KIF13A: variants seen among roughly 807,000 people sequenced by gnomAD.
KIF13A encodes the protein kinesin-like protein KIF13A.
KIF13A carries 79 observed loss-of-function variants against 212.2 expected under a neutral mutation model. The ratio of observed to expected loss-of-function variants is 0.37; its 90% CI spans 0.31 to 0.45. KIF13A has a LOEUF of 0.45. Ranked by LOEUF, KIF13A falls within the 20% of genes least tolerant of loss-of-function variation. The pLI is 1.00. For missense variants in KIF13A, 1,901 were observed against 2,209.0 expected (o/e 0.86, Z 2.79); for synonymous variants, 789 against 808.6 (o/e 0.98, Z 0.41).
chr6:17,807,718 C>A (rs185758836), intron 18 of KIF13A, among the ~76,000 whole-genome samples: 77 of 144,870 alleles, frequency 5.3e-4, no homozygotes, highest in African/African-American at 1.9e-3. Context: ...ACACCTCCTC[C>A]CCTTTTGAAA....
chr6:17,833,014 CAAAAAA>C (rs61281213), intron 12 of KIF13A, among the ~76,000 whole-genome samples: 65 of 75,394 alleles, frequency 8.6e-4, no homozygotes, highest in African/African-American at 4.2e-3. Context: ...ACTCTGTCTG[CAAAAAA>C]AAAAAAAAAA....
chr6:17,896,398 T>G (rs953941035), intron 3 of KIF13A, among the ~76,000 whole-genome samples: 12 of 152,202 alleles, frequency 7.9e-5, no homozygotes, highest in Non-Finnish European at 1.3e-4. Flanking sequence ...TAAAATTTTA[T>G]TCTTACATAA....
intron 2 of KIF13A, among the ~76,000 whole-genome samples, chr6:17,905,576 A>G (rs1244562708): frequency 6.6e-6 from 1 of 152,232 alleles, no homozygotes; most frequent in Admixed American, 6.5e-5. Context: ...TATATCACAA[A>G]ACAATATAAA....
At position 17,776,522 on chromosome 6, in the gene KIF13A, G is replaced by T. The variant is rs921512566; in HGVS notation, c.4170+755C>A. 3.3e-5 allele frequency among the ~76,000 whole-genome samples: 5 copies of T among 152,104 alleles called. No individual in the cohort carries two copies. Among genetic ancestry groups the T allele is most frequent in the African/African-American group, 1.2e-4 (5 of 41,406 alleles). On this transcript the variant is annotated intron_variant, in intron 34 of 38. Coordinates refer to ENST00000259711, the MANE Select transcript of KIF13A (RefSeq NM_022113.6). The surrounding 1 kb of genome is among the most constrained non-coding windows in gnomAD (Gnocchi z 4.6). ...ATCTATTTCTAATAAATGCATTGTG[G>T]TCAGAAGAAGTAATCTGTGTGATAA...
intron 4 of KIF13A, among the ~76,000 whole-genome samples, chr6:17,863,704 T>C (rs1325203630): frequency 6.6e-6 from 1 of 152,158 alleles, no homozygotes; most frequent in Non-Finnish European, 1.5e-5. Flanking sequence ...CTACACTTCA[T>C]TCTGCAATAG....
chr6:17,797,025 GTTTC>G (rs1762096749), intron 22 of KIF13A, among the ~76,000 whole-genome samples: 1 of 151,586 alleles, frequency 6.6e-6, no homozygotes, highest in South Asian at 2.1e-4. Flanking sequence ...AACTCAACCC[GTTTC>G]TTTCTTTTTT....
Position 17,771,737 on chromosome 6 carries a change from G to A in KIF13A, c.4476+171C>T, listed in dbSNP as rs946540506. The A allele has an allele frequency of 5.2e-6, 3 of 574,276 alleles. No homozygotes were observed. Among genetic ancestry groups the A allele is most frequent in the East Asian group, 2.6e-5 (1 of 38,478 alleles). The allele number at this position is 574,276 out of a possible 1,614,324, so 35.6% of individuals were successfully genotyped here. A position where few individuals can be genotyped will look rare whatever the true frequency, so the allele number is the denominator to read the frequency against. ...ACCACAGCAGCAACAACAAACAAGA[G>A]ATTCTACCATGACTCTGCATGCTTG... On this transcript the variant is annotated intron_variant, in intron 37 of 38. Coordinates refer to ENST00000259711, the MANE Select transcript of KIF13A (RefSeq NM_022113.6). This position sits in a 1 kb window ranked among gnomAD's most constrained non-coding sequence, Gnocchi z 5.4.
At chr6:17,808,677 T>C in intron 18 of KIF13A, 91 bp downstream of exon 18, 1 of 1,232,960 alleles carries the variant, frequency 8.1e-7, no homozygotes, top group Non-Finnish European at 1.1e-6. Flanking sequence ...CAGGATCTCC[T>C]CAGGCATGTT....
chr6:17,853,103 T>TA (rs1357711711), intron 6 of KIF13A, among the ~76,000 whole-genome samples: 4 of 152,208 alleles, frequency 2.6e-5, no homozygotes, highest in African/African-American at 9.6e-5. Context: ...AAAAAGGAGC[T>TA]AAGAAGCATC....
intron 2 of KIF13A, among the ~76,000 whole-genome samples, chr6:17,954,790 T>C (rs1039447332): frequency 7.2e-5 from 11 of 152,012 alleles, no homozygotes; most frequent in Non-Finnish European, 4.4e-5. Flanking sequence ...CCTCCCTCCT[T>C]AGCCTCCTGA....
At chr6:17,980,824 A>C (rs1293860422) in intron 2 of KIF13A, among the ~76,000 whole-genome samples, 2 of 152,208 alleles carry the variant, frequency 1.3e-5, no homozygotes, top group Non-Finnish European at 2.9e-5. Flanking sequence ...TCCAACCAAA[A>C]TTACTATATT....
intron 2 of KIF13A, among the ~76,000 whole-genome samples, chr6:17,944,521 C>G (rs1227299448): frequency 6.6e-6 from 1 of 152,182 alleles, no homozygotes; most frequent in Non-Finnish European, 1.5e-5. Flanking sequence ...CAATTGCACA[C>G]ACATGAACAG....
intron 3 of KIF13A, among the ~76,000 whole-genome samples, chr6:17,880,262 C>T (rs1373850513): frequency 6.6e-6 from 1 of 152,078 alleles, no homozygotes; most frequent in Non-Finnish European, 1.5e-5. Flanking sequence ...GGCCAGAAAC[C>T]GATGACTGAA....
chr6:17,924,478 TA>T (rs1775329820), intron 2 of KIF13A, among the ~76,000 whole-genome samples: 1 of 152,242 alleles, frequency 6.6e-6, no homozygotes, highest in South Asian at 2.1e-4. Flanking sequence ...AATTAATCAA[TA>T]AAAGTGCTTC....
intron 12 of KIF13A, among the ~76,000 whole-genome samples, 178 bp downstream of exon 12, chr6:17,833,783 G>A (rs1279330394): frequency 6.7e-6 from 1 of 149,014 alleles, no homozygotes; most frequent in East Asian, 2.0e-4. Flanking sequence ...TTGAGCCCGG[G>A]AGGTGGAGGT....
intron 17 of KIF13A, 45 bp from the exon 18 acceptor site, chr6:17,808,975 T>G: frequency 6.7e-7 from 1 of 1,491,804 alleles, no homozygotes; most frequent in Admixed American, 2.4e-5. Context: ...AAAGGAAAAC[T>G]GCAATCCCGT....
chr6:17,774,665 C>A (rs931290564), intron 35 of KIF13A, among the ~76,000 whole-genome samples: 1 of 151,646 alleles, frequency 6.6e-6, no homozygotes, highest in Non-Finnish European at 1.5e-5. Flanking sequence ...CCCAGCTACT[C>A]GGGAGGCTGA....
intron 2 of KIF13A, among the ~76,000 whole-genome samples, chr6:17,972,638 T>C (rs1043356774): frequency 3.3e-5 from 5 of 152,190 alleles, no homozygotes; most frequent in Non-Finnish European, 7.3e-5. Flanking sequence ...CAGATGCCTA[T>C]GCAGTTCGTC....
At chr6:17,864,819 T>C (rs1769198394) in intron 4 of KIF13A, among the ~76,000 whole-genome samples, 1 of 152,206 alleles carries the variant, frequency 6.6e-6, no homozygotes, top group African/African-American at 2.4e-5. Context: ...GCTAACACCC[T>C]TGGGTGTCCA....
Sources: gnomAD v4.1 joint callset for allele counts (sites outside exome capture counted in the v4.1 genomes callset) on GRCh38, gnomAD v4.1.1 for gene constraint, Gnocchi (gnomAD v3.1) non-coding constraint, MANE v1.5 for transcripts, NCBI Gene and HGNC (gene_info 2026-07-23, HGNC 2026-07-21) for gene names.